The following CX3CL1 variants were observed in gnomAD, a reference collection of about 807,000 sequenced individuals.
The protein encoded by CX3CL1 is fractalkine.
A neutral mutation model predicts 14.1 loss-of-function variants in CX3CL1; 1 was observed. That is an observed-to-expected ratio of 0.07 (90% CI 0.03 to 0.34). The LOEUF (loss-of-function observed/expected upper bound fraction) is 0.34, where lower values mean the gene tolerates loss of function less well. Ranked by LOEUF, CX3CL1 falls within the 10% of genes least tolerant of loss-of-function variation. The pLI is 0.99. For synonymous variants in CX3CL1, 255 were observed against 229.6 expected, an observed-to-expected ratio of 1.11 and a Z score of -1.00; for missense variants, 505 against 536.4, an observed-to-expected ratio of 0.94 and a Z score of 0.58.
At chr16:57,372,730 G>T in intron 1 of CX3CL1, 92 bp downstream of exon 1, 2 of 1,336,756 alleles carry the variant, frequency 1.5e-6, no homozygotes, top group African/African-American at 2.9e-5. Context: ...CCCAGACCCT[G>T]CCTGGGTAAA....
rs1902345888 is a variant in CX3CL1 at position 57,382,613 on chromosome 16, T to C, written c.775T>C (p.Ser259Pro). Reference sequence around the variant, plus strand: ...GGGACAGAGCCCCAGGCCAGAGAACTCTCTGGAGCGGGAGGAGATGGGTCC... The same window carrying C: ...GGGACAGAGCCCCAGGCCAGAGAACCCTCTGGAGCGGGAGGAGATGGGTCC... ...GQGQSPRPEN[S>P]LEREEMGPVP... Residue 259 changes from serine (S) to proline (P), a missense_variant, in exon 3 of 3, where the codon TCT (serine) becomes CCT (proline). Ser to Pro is a moderately conservative substitution (Grantham distance 74). Transcript: ENST00000006053. The surrounding 1 kb of genome is among the most constrained non-coding windows in gnomAD (Gnocchi z 6.9). 1.2e-6 allele frequency: 2 copies of C among 1,613,678 alleles called. No individual in the cohort carries two copies. Among genetic ancestry groups the C allele is most frequent in the South Asian group, 2.2e-5 (2 of 91,074 alleles).
chr16:57,379,678 A>C lies in CX3CL1; in HGVS notation c.115A>C (p.Met39Leu). The C allele has an allele frequency of 6.2e-7, 1 of 1,614,236 alleles. No individual in the cohort carries two copies. Among genetic ancestry groups the C allele is most frequent in the South Asian group, 1.1e-5 (1 of 91,090 alleles). The change falls in exon 2 of 3, where the codon ATG becomes CTG. Residue 39 changes from methionine to leucine, a missense_variant. Met to Leu is a conservative substitution (Grantham distance 15). Transcript: ENST00000006053. The part of the protein sequence containing the change: ...VTKCNITCSK[M>L]TSKIPVALLI... ...GAAATGCAACATCACGTGCAGCAAGATGACATCAAAGATACCTGTAGCTTT... is the reference window on the plus strand; with the variant it reads ...GAAATGCAACATCACGTGCAGCAAGCTGACATCAAAGATACCTGTAGCTTT...
At chr16:57,381,849 T>G (rs1432419090) in intron 2 of CX3CL1, among the ~76,000 whole-genome samples, 181 bp from the exon 3 acceptor site, 2 of 152,088 alleles carry the variant, frequency 1.3e-5, no homozygotes, top group Non-Finnish European at 2.9e-5. Flanking sequence ...GGTGAGGACC[T>G]GGATGCTCAG....
At chr16:57,380,109 A>T (rs1329729578) in intron 2 of CX3CL1, among the ~76,000 whole-genome samples, 1 of 152,222 alleles carries the variant, frequency 6.6e-6, no homozygotes, top group African/African-American at 2.4e-5. Flanking sequence ...GGTGTAAAGC[A>T]TGAGGGTCTT....
chr16:57,378,540 T>G, intron 1 of CX3CL1: 1 of 150,024 alleles, frequency 6.7e-6, no homozygotes, highest in East Asian at 2.1e-4. Flanking sequence ...CTCAGCTCAC[T>G]GCAACCTCTG....
chr16:57,380,771 A>T (rs1393308276), intron 2 of CX3CL1, among the ~76,000 whole-genome samples: 1 of 152,062 alleles, frequency 6.6e-6, no homozygotes, highest in African/African-American at 2.4e-5. Context: ...CTGTCTAACC[A>T]GCCAGCCCTG....
At position 57,383,143 on chromosome 16, in the gene CX3CL1, G is replaced by A. The variant is rs1902359318; in HGVS notation, c.*111G>A. The A allele has an allele frequency of 9.6e-7, 1 of 1,039,240 alleles. No homozygotes were observed. Among genetic ancestry groups the A allele is most frequent in the Non-Finnish European group, 1.3e-6 (1 of 781,398 alleles). The allele number at this position is 1,039,240 out of a possible 1,614,324, so 64.4% of individuals were successfully genotyped here. ...GCCTGAGCTGGGATGATTGGAGGGG[G>A]GAGGTGGGATCCTCCAGGTGCACAA... On this transcript the variant is annotated 3_prime_UTR_variant, in exon 3 of 3. Coordinates refer to ENST00000006053, the MANE Select transcript of CX3CL1 (RefSeq NM_002996.6).
Position 57,372,538 on chromosome 16 carries a change from C to A in CX3CL1, c.-31C>A. ...CGCCTGGCTCTAGCCGCCTGCCTGG[C>A]CCCCGCCGGGACTCTTGCCCACCCT... On this transcript the variant is annotated 5_prime_UTR_variant, in exon 1 of 3. Transcript: ENST00000006053. The A allele has an allele frequency of 6.2e-7, 1 of 1,605,438 alleles. No individual in the cohort carries two copies. Among genetic ancestry groups the A allele is most frequent in the South Asian group, 1.1e-5 (1 of 90,954 alleles).
chr16:57,379,785 C>A, intron 2 of CX3CL1, 31 bp downstream of exon 2: 1 of 1,612,226 alleles, frequency 6.2e-7, no homozygotes, highest in South Asian at 1.1e-5. Flanking sequence ...CTCTGAAATC[C>A]CCTTTGGGCC....
In CX3CL1 at chr16:57,384,961, G is replaced by T. The variant is rs3177956; in HGVS notation, c.*1929G>T. On this transcript the variant is annotated 3_prime_UTR_variant, in exon 3 of 3. Transcript: ENST00000006053. ...AGGAAGACTTTGGAAAGAGTAGGAA[G>T]ACTTTGGAAAGACTTTTCCAACCCT... 2,867 of 152,360 alleles carry T rather than the reference G, an allele frequency of 0.019. 35 individuals carry two copies. The highest frequency in any genetic ancestry group is 0.034 in the South Asian group (163 of 4,828). 9.4% of individuals were successfully genotyped at this position (152,360 alleles called of 1,614,324 possible).
chr16:57,372,540 C>T lies in CX3CL1; in HGVS notation c.-29C>T, dbSNP rs779267755. The stretch of plus-strand genomic sequence containing the variant: ...CCTGGCTCTAGCCGCCTGCCTGGCC[C>T]CCGCCGGGACTCTTGCCCACCCTCA... On this transcript the variant is annotated 5_prime_UTR_variant, in exon 1 of 3. Coordinates refer to ENST00000006053, the MANE Select transcript of CX3CL1 (RefSeq NM_002996.6). 5 of 1,607,430 alleles carry T rather than the reference C, an allele frequency of 3.1e-6. No individual in the cohort carries two copies. The Admixed American group carries it at 8.3e-5, about 27-fold the overall frequency.
At chr16:57,372,990 G>A (rs1902200318) in intron 1 of CX3CL1, among the ~76,000 whole-genome samples, 1 of 152,190 alleles carries the variant, frequency 6.6e-6, no homozygotes, top group African/African-American at 2.4e-5. Flanking sequence ...ACTGGGGTGG[G>A]AGGCCCTGGC....
In CX3CL1 at chr16:57,383,320, C is replaced by T. The variant is rs1233418078; in HGVS notation, c.*288C>T. ...GTTCCCTTTGACGCCATCCCAGCCC[C>T]AATGAACAATTATTTATTAAATGCC... On this transcript the variant is annotated 3_prime_UTR_variant, in exon 3 of 3. Coordinates refer to ENST00000006053, the MANE Select transcript of CX3CL1 (RefSeq NM_002996.6). 1 of 313,950 alleles carries T rather than the reference C, an allele frequency of 3.2e-6. No homozygotes were observed. The highest frequency in any genetic ancestry group is 5.8e-6 in the Non-Finnish European group (1 of 172,072). 19.4% of individuals were successfully genotyped at this position (313,950 alleles called of 1,614,324 possible).
chr16:57,377,780 C>A (rs1443485152), intron 1 of CX3CL1: 1 of 151,986 alleles, frequency 6.6e-6, no homozygotes, highest in Non-Finnish European at 1.5e-5. Context: ...TTTGCAAAAC[C>A]CTCTGGGGTC....
At chr16:57,374,327 GC>G (rs1902217267) in intron 1 of CX3CL1, among the ~76,000 whole-genome samples, 1 of 152,028 alleles carries the variant, frequency 6.6e-6, no homozygotes, top group African/African-American at 2.4e-5. Context: ...GGTTTGTGGG[GC>G]TGTGTCAGGC....
chr16:57,376,890 CT>C (rs1203221074), intron 1 of CX3CL1: 4 of 152,190 alleles, frequency 2.6e-5, no homozygotes, highest in Admixed American at 2.6e-4. Flanking sequence ...CTTCCTGACA[CT>C]CCTATGACAG....
At position 57,382,216 on chromosome 16, in the gene CX3CL1, C is replaced by G. The variant is rs761255463; in HGVS notation, c.378C>G (p.Val126=). ...CCGGGGGAATGGACGAGTCTGTGGT[C>G]CTGGAGCCCGAAGCCACAGGCGAAA... The part of the protein sequence containing the change: ...PAAGGMDESV[V]LEPEATGESS... The change falls in exon 3 of 3, where the codon GTC becomes GTG. Residue 126 remains valine, a synonymous_variant. Transcript: ENST00000006053. The surrounding 1 kb of genome is among the most constrained non-coding windows in gnomAD (Gnocchi z 6.9). 5.6e-6 allele frequency: 9 copies of G among 1,612,830 alleles called. No individual in the cohort carries two copies. The Admixed American group carries it at 1.3e-4, about 24-fold the overall frequency.
chr16:57,374,122 G>A lies in CX3CL1; in HGVS notation c.70+1484G>A, dbSNP rs1902214138. Among the ~76,000 whole-genome samples, 3 of 152,138 alleles carry A rather than the reference G, an allele frequency of 2.0e-5. 1 individual carries two copies. Among genetic ancestry groups the A allele is most frequent in the Admixed American group, 6.6e-5 (1 of 15,266 alleles). The stretch of plus-strand genomic sequence containing the variant: ...TTTCTCAGCCTCACTTTCTCCTCCT[G>A]TAAAACTAGGCATTTGACCAGGCTC... On this transcript the variant is annotated intron_variant, in intron 1 of 2. Transcript: ENST00000006053.
chr16:57,379,518 G>A, intron 1 of CX3CL1, 116 bp from the exon 2 acceptor site: 2 of 1,310,470 alleles, frequency 1.5e-6, no homozygotes, highest in Non-Finnish European at 2.1e-6. Context: ...TTGAAGGCCA[G>A]GGTGTACAGG....
Sources: gnomAD v4.1 joint callset for allele counts (sites outside exome capture counted in the v4.1 genomes callset) on GRCh38, gnomAD v4.1.1 for gene constraint, Gnocchi (gnomAD v3.1) non-coding constraint, MANE v1.5 for transcripts, NCBI Gene and HGNC (gene_info 2026-07-23, HGNC 2026-07-21) for gene names.